MTMR3: variants seen among roughly 807,000 people sequenced by gnomAD.
The protein encoded by MTMR3 is myotubularin related protein 3.
In MTMR3, 32 loss-of-function variants were observed where a neutral mutation model predicts 132.4. The observed-to-expected ratio is 0.24, with a 90% CI of 0.18 to 0.32. The LOEUF (loss-of-function observed/expected upper bound fraction) is 0.32, where lower values mean the gene tolerates loss of function less well. Among genes scored for constraint, MTMR3 ranks in the 10% least tolerant of loss-of-function variants. MTMR3 has a pLI of 1.00. For missense variants in MTMR3, 1,216 were observed against 1,489.6 expected, an observed-to-expected ratio of 0.82 and a Z score of 3.02; for synonymous variants, 556 against 550.3, an observed-to-expected ratio of 1.01 and a Z score of -0.14.
chr22:29,947,094 A>C (rs531862346), intron 1 of MTMR3, among the ~76,000 whole-genome samples: 5 of 152,326 alleles, frequency 3.3e-5, no homozygotes, highest in South Asian at 2.1e-4. Flanking sequence ...TAACATATAT[A>C]CATGTTCTGA....
chr22:29,950,311 A>G (rs2066049602), intron 1 of MTMR3, among the ~76,000 whole-genome samples: 2 of 151,564 alleles, frequency 1.3e-5, no homozygotes, highest in Non-Finnish European at 2.9e-5. Context: ...CTGTGAAATT[A>G]TAAGGGTTTT....
At chr22:29,899,911 C>T (rs192795992) in intron 1 of MTMR3, among the ~76,000 whole-genome samples, 42 of 152,236 alleles carry the variant, frequency 2.8e-4, no homozygotes, top group South Asian at 6.2e-4. Context: ...GTATATTATA[C>T]CTCAGTTAAA....
At chr22:29,962,910 C>CTTTTTTT (rs892383539) in intron 2 of MTMR3, among the ~76,000 whole-genome samples, 1 of 133,622 alleles carries the variant, frequency 7.5e-6, no homozygotes. Context: ...TCTCTTTTTT[C>CTTTTTTT]TTTTTTTTTT....
rs190624894 is a variant in MTMR3 at position 29,906,655 on chromosome 22, C to T, written c.-138+23296C>T. ...CTGGCCTGTCTCACTTTTTATACCC[C>T]GAAAGCATTATTACTATCCATTACT... is the stretch of plus-strand genomic sequence containing the variant. On this transcript the variant is annotated intron_variant, in intron 1 of 19. Transcript: ENST00000401950. Among the ~76,000 whole-genome samples the T allele has an allele frequency of 1.6e-3, 244 of 152,102 alleles. 2 individuals carry two copies. The South Asian group carries it at 0.016, about 10-fold the overall frequency.
At chr22:29,987,685 T>A (rs2066885321) in intron 5 of MTMR3, 2 of 152,210 alleles carry the variant, frequency 1.3e-5, no homozygotes, top group African/African-American at 4.8e-5. Flanking sequence ...CTGTCTCCCT[T>A]CTCTCTATCT....
At chr22:29,919,986 C>T (rs567307899) in intron 1 of MTMR3, among the ~76,000 whole-genome samples, 1 of 152,126 alleles carries the variant, frequency 6.6e-6, no homozygotes, top group African/African-American at 2.4e-5. Context: ...GAGGCTGAGG[C>T]GGGCAGATCA....
chr22:29,932,286 TC>T (rs1476188561), intron 1 of MTMR3, among the ~76,000 whole-genome samples: 1 of 152,218 alleles, frequency 6.6e-6, no homozygotes, highest in Non-Finnish European at 1.5e-5. Context: ...TATAGCTCTC[TC>T]CCTACTAAGG....
chr22:29,940,116 A>G (rs973271858), intron 1 of MTMR3, among the ~76,000 whole-genome samples: 3 of 152,046 alleles, frequency 2.0e-5, no homozygotes, highest in Non-Finnish European at 4.4e-5. Flanking sequence ...AAATACAAAA[A>G]AATTAGCCGG....
chr22:29,927,539 A>G (rs1237680307), intron 1 of MTMR3, among the ~76,000 whole-genome samples: 3 of 152,124 alleles, frequency 2.0e-5, no homozygotes, highest in African/African-American at 7.2e-5. Context: ...GTTTTAAAAC[A>G]TTTTTGTTTT....
intron 2 of MTMR3, among the ~76,000 whole-genome samples, chr22:29,967,247 G>GCGCGCGCC (rs2066445638): frequency 2.0e-5 from 3 of 150,418 alleles, no homozygotes. Flanking sequence ...GCGCGCGCGC[G>GCGCGCGCC]CGCATGTTTT....
chr22:29,973,273 A>G (rs947135137), intron 3 of MTMR3, among the ~76,000 whole-genome samples: 3 of 152,260 alleles, frequency 2.0e-5, no homozygotes, highest in Non-Finnish European at 4.4e-5. Flanking sequence ...TTAGCAAAAT[A>G]TATTTTCATG....
At chr22:29,964,618 G>A (rs2066377949) in intron 2 of MTMR3, among the ~76,000 whole-genome samples, 1 of 152,052 alleles carries the variant, frequency 6.6e-6, no homozygotes, top group Non-Finnish European at 1.5e-5. Context: ...ACCTAAACCT[G>A]TGAGTTACAC....
chr22:29,964,089 A>T (rs1200438515), intron 2 of MTMR3, among the ~76,000 whole-genome samples: 1 of 152,206 alleles, frequency 6.6e-6, no homozygotes, highest in African/African-American at 2.4e-5. Context: ...TCACTAGCAG[A>T]GTATGAGGTT....
Position 29,916,731 on chromosome 22 carries a change from A to G in MTMR3, c.-138+33372A>G, listed in dbSNP as rs147061257. 2.8e-3 allele frequency among the ~76,000 whole-genome samples: 430 copies of G among 152,330 alleles called. 2 individuals are homozygous for G. The highest frequency in any genetic ancestry group is 4.7e-3 in the Non-Finnish European group (322 of 68,028). ...AAAGGCTATTATAGCCTACTTCATA[A>G]ATTAATACATTGCATTCTGCGGGCA... On this transcript the variant is annotated intron_variant, in intron 1 of 19. Coordinates refer to ENST00000401950, the MANE Select transcript of MTMR3 (RefSeq NM_021090.4).
chr22:30,018,263 G>A, intron 16 of MTMR3, 191 bp downstream of exon 16: 1 of 596,254 alleles, frequency 1.7e-6, no homozygotes, highest in East Asian at 3.3e-5. Flanking sequence ...GTTTCTGGGA[G>A]TGAGTTAGGC....
chr22:29,949,509 C>CA lies in MTMR3; in HGVS notation c.-137-7515dup, dbSNP rs60108937. On this transcript the variant is annotated intron_variant, in intron 1 of 19. Transcript: ENST00000401950. ...AGACTCTGTCCCCCGCGCCCCCCCC[C>CA]AAAAAAAAAAAACAACACACGTACA... Among the ~76,000 whole-genome samples, 513 of 124,500 alleles carry CA rather than the reference C, an allele frequency of 4.1e-3. 2 individuals are homozygous for CA. Among genetic ancestry groups the CA allele is most frequent in the South Asian group, 4.9e-3 (18 of 3,676 alleles). 81.7% of individuals were successfully genotyped at this position (124,500 alleles called of 152,430 possible). A position where few individuals can be genotyped will look rare whatever the true frequency, so the allele number is the denominator to read the frequency against.
chr22:29,949,598 A>G (rs542568328), intron 1 of MTMR3, among the ~76,000 whole-genome samples: 1 of 149,496 alleles, frequency 6.7e-6, no homozygotes, highest in African/African-American at 2.5e-5. Flanking sequence ...CTCATTGATT[A>G]GTTTTCTGTT....
Position 29,978,611 on chromosome 22 carries a change from G to A in MTMR3, c.93+80G>A, listed in dbSNP as rs532193358. ...CAGAGTTAATGGATTTAAGTGTAACGTACTATATTATATATATATATAACA... is the reference window on the plus strand; with the variant it reads ...CAGAGTTAATGGATTTAAGTGTAACATACTATATTATATATATATATAACA... On this transcript the variant is annotated intron_variant, in intron 4 of 19. Coordinates refer to ENST00000401950, the MANE Select transcript of MTMR3 (RefSeq NM_021090.4). The A allele has an allele frequency of 1.1e-4, 114 of 1,027,620 alleles. No homozygotes were observed. The East Asian group carries it at 1.2e-3, about 10-fold the overall frequency. The allele number at this position is 1,027,620 out of a possible 1,614,324, so 63.7% of individuals were successfully genotyped here.
Position 30,020,742 on chromosome 22 carries a change from A to G in MTMR3, c.3083A>G (p.Gln1028Arg). 1 of 1,614,240 alleles carries G rather than the reference A, an allele frequency of 6.2e-7. No homozygotes were observed. Among genetic ancestry groups the G allele is most frequent in the Middle Eastern group, 1.6e-4 (1 of 6,062 alleles). The change falls in exon 17 of 20, where the codon CAA (glutamine) becomes CGA (arginine). Residue 1028 changes from glutamine to arginine, a missense_variant. Physicochemically the swap from Gln to Arg is conservative, Grantham distance 43. This residue lies in a region of MTMR3 where 852 missense variants were observed against 852.0 expected (regional missense o/e 1.00). Transcript: ENST00000401950. ...DGMSVYTDTI[Q>R]QRLRQIESGH... is the part of the protein sequence containing the mutation. Reference sequence around the variant, plus strand: ...ATGTCAGTGTACACAGACACGATCCAACAGCGCCTGCGTCAGATTGAGTCA... The same window carrying G: ...ATGTCAGTGTACACAGACACGATCCGACAGCGCCTGCGTCAGATTGAGTCA...
Sources: allele counts gnomAD v4.1 joint callset (sites outside exome capture counted in the v4.1 genomes callset), GRCh38; gene constraint gnomAD v4.1.1; regional missense constraint gnomAD v4.1.1; transcripts MANE v1.5; gene names NCBI Gene and HGNC (gene_info 2026-07-23, HGNC 2026-07-21).